MYO1B: variants seen among roughly 807,000 people sequenced by gnomAD.
MYO1B encodes the protein myosin IB, also known as unconventional myosin-Ib.
Under a neutral mutation model 159.7 loss-of-function variants are expected in MYO1B, and 72 were observed. The observed-to-expected ratio is 0.45, with a 90% CI of 0.37 to 0.55. MYO1B has a LOEUF of 0.55. MYO1B is among the 20% of genes least tolerant of loss of function. The pLI is 0.00. For synonymous variants in MYO1B, 468 were observed against 473.8 expected, an observed-to-expected ratio of 0.99 and a Z score of 0.16; for missense variants, 1,062 against 1,364.8, an observed-to-expected ratio of 0.78 and a Z score of 3.50.
intron 27 of MYO1B, 84 bp downstream of exon 27, chr2:191,411,256 G>T: frequency 2.5e-6 from 2 of 807,204 alleles, no homozygotes; most frequent in South Asian, 3.8e-5. Context: ...CCTGGTGTTT[G>T]ATTTCAGTCT....
At chr2:191,300,886 G>A (rs6434459) in intron 3 of MYO1B, among the ~76,000 whole-genome samples, 80,446 of 151,788 alleles carry the variant, frequency 0.53, 22,048 homozygotes, top group East Asian at 0.65. Context: ...TAAATTTTAG[G>A]TAATTAAAAA....
At chr2:191,256,576 A>T (rs560443631) in intron 1 of MYO1B, among the ~76,000 whole-genome samples, 1 of 152,206 alleles carries the variant, frequency 6.6e-6, no homozygotes. Context: ...GGGGAGAAAG[A>T]TGGCAAAAAA....
intron 30 of MYO1B, among the ~76,000 whole-genome samples, chr2:191,419,323 A>T (rs973949255): frequency 6.6e-6 from 1 of 151,504 alleles, no homozygotes; most frequent in African/African-American, 2.4e-5. Flanking sequence ...GGTTCATGCC[A>T]TTCTCCTGCC....
chr2:191,375,281 C>T (rs1326675328), intron 13 of MYO1B, among the ~76,000 whole-genome samples: 2 of 152,156 alleles, frequency 1.3e-5, no homozygotes, highest in Non-Finnish European at 2.9e-5. Context: ...CTGGTAGGTA[C>T]ACCTCATGAT....
intron 26 of MYO1B, among the ~76,000 whole-genome samples, 181 bp from the exon 27 acceptor site, chr2:191,410,885 C>G (rs1393576600): frequency 6.6e-6 from 1 of 152,162 alleles, no homozygotes; most frequent in Non-Finnish European, 1.5e-5. Flanking sequence ...AATACTCTGA[C>G]GTTTTCCAAG....
At chr2:191,408,577 A>T (rs1238131788) in intron 25 of MYO1B, among the ~76,000 whole-genome samples, 2 of 152,142 alleles carry the variant, frequency 1.3e-5, no homozygotes, top group Non-Finnish European at 2.9e-5. Context: ...GTGCAGCTCC[A>T]CCCACATGGA....
chr2:191,370,329 G>A (rs1166823788), intron 13 of MYO1B, 37 bp downstream of exon 13: 2 of 1,399,790 alleles, frequency 1.4e-6, no homozygotes, highest in African/African-American at 1.4e-5. Context: ...GTCTTTAGTA[G>A]AGTGGAATGG....
At chr2:191,273,055 G>GTTTGATCCCAA (rs1406228142) in intron 1 of MYO1B, among the ~76,000 whole-genome samples, 1 of 152,198 alleles carries the variant, frequency 6.6e-6, no homozygotes, top group Non-Finnish European at 1.5e-5. Flanking sequence ...TTCAAGTGCA[G>GTTTGATCCCAA]TTTGATCCAG....
chr2:191,286,183 T>C lies in MYO1B; in HGVS notation c.135+9153T>C, dbSNP rs547271995. Among the ~76,000 whole-genome samples the C allele has an allele frequency of 1.7e-3, 254 of 152,326 alleles. 1 individual carries two copies. Among genetic ancestry groups the C allele is most frequent in the Middle Eastern group, 3.4e-3 (1 of 294 alleles). ...TGTTTCTGAGACTGGCGACATGAGA[T>C]GCATACACTGAATTACATTTTTAAA... On this transcript the variant is annotated intron_variant, in intron 2 of 30. Coordinates refer to ENST00000392318, the MANE Select transcript of MYO1B (RefSeq NM_001130158.3).
intron 13 of MYO1B, among the ~76,000 whole-genome samples, chr2:191,374,638 G>T (rs1290085188): frequency 3.9e-5 from 6 of 152,158 alleles, no homozygotes; most frequent in African/African-American, 1.4e-4. Flanking sequence ...GTGCTGCCTG[G>T]CTGGCCACAT....
chr2:191,378,869 G>C (rs779750527), intron 13 of MYO1B, among the ~76,000 whole-genome samples: 16 of 152,152 alleles, frequency 1.1e-4, no homozygotes, highest in Non-Finnish European at 2.1e-4. Context: ...GGGGTTGTTA[G>C]AAGGAGCATT....
intron 26 of MYO1B, among the ~76,000 whole-genome samples, chr2:191,410,260 G>A (rs548506764): frequency 1.3e-5 from 2 of 152,174 alleles, no homozygotes; most frequent in African/African-American, 2.4e-5. Context: ...TTGGAGGTGG[G>A]AGATGAGGGC....
intron 11 of MYO1B, among the ~76,000 whole-genome samples, chr2:191,366,838 C>T (rs1025354267): frequency 7.9e-5 from 12 of 151,834 alleles, no homozygotes; most frequent in African/African-American, 2.7e-4. Context: ...AAATAGGCCT[C>T]CTGAGACACC....
chr2:191,266,767 G>A (rs535257203), intron 1 of MYO1B, among the ~76,000 whole-genome samples: 1 of 152,180 alleles, frequency 6.6e-6, no homozygotes, highest in Non-Finnish European at 1.5e-5. Flanking sequence ...TACGTCACAA[G>A]TGAGAGTTGG....
chr2:191,347,385 C>G (rs1370345377), intron 6 of MYO1B, among the ~76,000 whole-genome samples: 1 of 152,160 alleles, frequency 6.6e-6, no homozygotes, highest in Non-Finnish European at 1.5e-5. Flanking sequence ...AATCTCATTA[C>G]ATAAATAGAA....
chr2:191,379,542 G>A (rs545017745), intron 13 of MYO1B, among the ~76,000 whole-genome samples: 1 of 152,094 alleles, frequency 6.6e-6, no homozygotes, highest in Non-Finnish European at 1.5e-5. Flanking sequence ...ACTTTGAGCT[G>A]TTCATAGCTA....
chr2:191,307,990 G>A (rs1269612297), intron 3 of MYO1B, among the ~76,000 whole-genome samples: 1 of 152,002 alleles, frequency 6.6e-6, no homozygotes, highest in Non-Finnish European at 1.5e-5. Flanking sequence ...AAACAGAATT[G>A]TGTTCAAATT....
intron 3 of MYO1B, among the ~76,000 whole-genome samples, chr2:191,297,472 A>G (rs564983500): frequency 1.3e-5 from 2 of 152,346 alleles, no homozygotes; most frequent in East Asian, 1.9e-4. Flanking sequence ...CAAGCATTCT[A>G]CAAAGTTATG....
At chr2:191,336,908 A>G (rs114557832) in intron 4 of MYO1B, among the ~76,000 whole-genome samples, 4,671 of 144,054 alleles carry the variant, frequency 0.032, 104 homozygotes, top group Non-Finnish European at 0.053. Context: ...AGATAAATAA[A>G]TGTGTACGAA....
Sources: gnomAD v4.1 joint callset for allele counts (sites outside exome capture counted in the v4.1 genomes callset) on GRCh38, gnomAD v4.1.1 for gene constraint, MANE v1.5 for transcripts, NCBI Gene and HGNC (gene_info 2026-07-23, HGNC 2026-07-21) for gene names.